Variants in GPR155 observed in about 807,000 individuals in gnomAD.
GPR155 encodes G protein-coupled receptor 155, also known as lysosomal cholesterol signaling protein.
GPR155 carries 65 observed loss-of-function variants against 93.1 expected under a neutral mutation model. The observed-to-expected ratio is 0.70, with a 90% CI of 0.57 to 0.86. The LOEUF is 0.86. Among genes scored for constraint, GPR155 ranks in the 40% least tolerant of loss-of-function variants. The probability of loss-of-function intolerance (pLI) is 0.00; values close to 1 mark genes in which losing one functional copy is unlikely to be tolerated. For missense variants in GPR155, 838 were observed against 1,034.8 expected, an observed-to-expected ratio of 0.81 and a Z score of 2.61; for synonymous variants, 319 against 360.1, an observed-to-expected ratio of 0.89 and a Z score of 1.29.
chr2:174,460,365 T>G (rs1413114500), intron 9 of GPR155, among the ~76,000 whole-genome samples: 1 of 151,840 alleles, frequency 6.6e-6, no homozygotes, highest in Non-Finnish European at 1.5e-5. Flanking sequence ...GGTTTCACCG[T>G]GTTAGCCAGG....
At chr2:174,480,211 C>CA (rs1239976153) in intron 2 of GPR155, among the ~76,000 whole-genome samples, 3 of 152,144 alleles carry the variant, frequency 2.0e-5, no homozygotes, top group Non-Finnish European at 4.4e-5. Flanking sequence ...CACCCTACCT[C>CA]AAATAGCACC....
rs1331727368 is a variant in GPR155 at position 174,432,565 on chromosome 2, A to G, written c.*3551T>C. ...GTAACTAGAAAAATCTCCTGGTAAC[A>G]GCAATGAGGCCTTAGACTTACCCTT... On this transcript the variant is annotated 3_prime_UTR_variant, in exon 16 of 16. Transcript: ENST00000392552. 1 of 152,208 alleles carries G rather than the reference A, an allele frequency of 6.6e-6. No individual in the cohort carries two copies. Among genetic ancestry groups the G allele is most frequent in the African/African-American group, 2.4e-5 (1 of 41,446 alleles). The allele number at this position is 152,208 out of a possible 1,614,324, so 9.4% of individuals were successfully genotyped here. A position where few individuals can be genotyped will look rare whatever the true frequency, so the allele number is the denominator to read the frequency against.
In GPR155 at chr2:174,476,784, C is replaced by T. The variant is rs536938018; in HGVS notation, c.461-3420G>A. Among the ~76,000 whole-genome samples the T allele has an allele frequency of 5.7e-4, 87 of 152,216 alleles. 1 individual carries two copies. In the South Asian group the frequency reaches 0.017, roughly 31 times the overall value. On this transcript the variant is annotated intron_variant, in intron 2 of 15. Coordinates refer to ENST00000392552, the MANE Select transcript of GPR155 (RefSeq NM_152529.7). Reference sequence around the variant, plus strand: ...TAGTAGTTCTTTATGCTGTTCATACCGTCACCCCCTAACTTCTTAATATCT... The same window carrying T: ...TAGTAGTTCTTTATGCTGTTCATACTGTCACCCCCTAACTTCTTAATATCT...
At chr2:174,454,027 A>G (rs1687412931) in intron 10 of GPR155, among the ~76,000 whole-genome samples, 186 bp from the exon 11 acceptor site, 1 of 152,210 alleles carries the variant, frequency 6.6e-6, no homozygotes. Context: ...AATAAAAAAA[A>G]CTTAATCTCA....
Position 174,460,092 on chromosome 2 carries a change from C to T in GPR155, c.1561-4G>A, listed in dbSNP as rs756379472. ...GGGTGACTGCTGTGGTGATCATCTG[C>T]CGACATGAAAAAAAGATATCAGGCC... is the stretch of plus-strand genomic sequence containing the variant. On this transcript the variant is annotated splice_polypyrimidine_tract_variant and splice_region_variant and intron_variant, in intron 9 of 15. Coordinates refer to ENST00000392552, the MANE Select transcript of GPR155 (RefSeq NM_152529.7). 2 of 1,605,410 alleles carry T rather than the reference C, an allele frequency of 1.2e-6. No individual in the cohort carries two copies. Among genetic ancestry groups the T allele is most frequent in the Admixed American group, 3.4e-5 (2 of 58,402 alleles).
intron 10 of GPR155, among the ~76,000 whole-genome samples, chr2:174,459,108 G>GA (rs961997206): frequency 3.3e-4 from 50 of 151,736 alleles, no homozygotes; most frequent in East Asian, 7.8e-4. Context: ...AACAAACAAA[G>GA]AAAAAAAACA....
chr2:174,439,888 C>T lies in GPR155; in HGVS notation c.2312+10G>A, dbSNP rs1318875051. 1 of 1,610,700 alleles carries T rather than the reference C, an allele frequency of 6.2e-7. No homozygotes were observed. The highest frequency in any genetic ancestry group is 8.5e-7 in the Non-Finnish European group (1 of 1,177,550). On this transcript the variant is annotated intron_variant, in intron 15 of 15. Coordinates refer to ENST00000392552, the MANE Select transcript of GPR155 (RefSeq NM_152529.7). ...TAATTGTCTAGAACCTGTACTGGCA[C>T]TTTGCTTACCTTCTTTCTTTGACAA...
chr2:174,447,418 TATAA>T (rs1034700343), intron 11 of GPR155, among the ~76,000 whole-genome samples: 21 of 146,374 alleles, frequency 1.4e-4, no homozygotes, highest in Non-Finnish European at 2.7e-4. Context: ...ATATTAGTTA[TATAA>T]ATAATATATA....
chr2:174,470,642 G>A, intron 3 of GPR155, 87 bp from the exon 4 acceptor site: 3 of 1,131,708 alleles, frequency 2.7e-6, no homozygotes, highest in South Asian at 2.7e-5. Flanking sequence ...TTGGCATCAG[G>A]TTCTCCTGCC....
In GPR155 at chr2:174,457,743, C is replaced by T. The variant is rs193186685; in HGVS notation, c.1771+2135G>A. On this transcript the variant is annotated intron_variant, in intron 10 of 15. Coordinates refer to ENST00000392552, the MANE Select transcript of GPR155 (RefSeq NM_152529.7). ...GTTCTGGGATTAGAGGTGTGAGCCA[C>T]CGCACCAGGCCTTGACTTTTTTTTT... 7.2e-5 allele frequency among the ~76,000 whole-genome samples: 11 copies of T among 152,284 alleles called. No individual in the cohort carries two copies. In the East Asian group the frequency reaches 2.1e-3, roughly 29 times the overall value.
chr2:174,449,981 CA>C (rs1329783726), intron 11 of GPR155, among the ~76,000 whole-genome samples: 1 of 151,560 alleles, frequency 6.6e-6, no homozygotes, highest in Non-Finnish European at 1.5e-5. Context: ...ATCTCAAAAA[CA>C]AAACAAAACA....
intron 2 of GPR155, among the ~76,000 whole-genome samples, chr2:174,474,978 G>A (rs1688104024): frequency 6.6e-6 from 1 of 152,088 alleles, no homozygotes; most frequent in South Asian, 2.1e-4. Flanking sequence ...CAAGGAGAGA[G>A]GCAAACGTGA....
At chr2:174,437,321 A>ATT (rs1686814028) in intron 15 of GPR155, among the ~76,000 whole-genome samples, 1 of 152,184 alleles carries the variant, frequency 6.6e-6, no homozygotes, top group Admixed American at 6.5e-5. Flanking sequence ...ATAGGTGACA[A>ATT]AAATTTAAAA....
rs1687635240 is a variant in GPR155 at position 174,459,957 on chromosome 2, C to T, written c.1692G>A (p.Glu564=). The change falls in exon 10 of 16, where the codon GAG becomes GAA. Residue 564 remains glutamate (E), a synonymous_variant. Transcript: ENST00000392552. The part of the protein sequence containing the change: ...FDQSQSHKVV[E]PGNTAFEESP... Reference sequence around the variant, plus strand: ...TCTCCTCAAAAGCAGTATTTCCAGGCTCCACCACTTTGTGGCTCTGAGACT... The same window carrying T: ...TCTCCTCAAAAGCAGTATTTCCAGGTTCCACCACTTTGTGGCTCTGAGACT... 1.2e-6 allele frequency: 2 copies of T among 1,614,006 alleles called. No homozygotes were observed. The highest frequency in any genetic ancestry group is 1.3e-5 in the African/African-American group (1 of 74,906).
chr2:174,479,345 T>C (rs1688256259), intron 2 of GPR155, among the ~76,000 whole-genome samples: 2 of 152,160 alleles, frequency 1.3e-5, no homozygotes, highest in South Asian at 4.1e-4. Flanking sequence ...CTGGAACTAG[T>C]ATATTACAAG....
intron 14 of GPR155, among the ~76,000 whole-genome samples, chr2:174,441,358 T>G (rs980215355): frequency 6.6e-6 from 1 of 151,786 alleles, no homozygotes; most frequent in African/African-American, 2.4e-5. Context: ...ATACAAAGCC[T>G]AGGATAGGGG....
Position 174,439,964 on chromosome 2 carries a change from A to G in GPR155, c.2246T>C (p.Met749Thr), listed in dbSNP as rs1686905949. The change falls in exon 15 of 16, where the codon ATG (methionine) becomes ACG (threonine). Residue 749 changes from methionine (M) to threonine (T), a missense_variant. This residue lies in a region of GPR155 where 146 missense variants were observed against 177.5 expected (regional missense o/e 0.82). Coordinates refer to ENST00000392552, the MANE Select transcript of GPR155 (RefSeq NM_152529.7). ...ATAATGGATAAATTGTTGACAGGTCATTTTTATTTCCTCTGAAACAGGAGA... is the reference window on the plus strand; with the variant it reads ...ATAATGGATAAATTGTTGACAGGTCGTTTTTATTTCCTCTGAAACAGGAGA... Reference protein sequence around the residue: ...RDSPVSEEIKMTCQQFIHYHR... With the variant: ...RDSPVSEEIKTTCQQFIHYHR... The G allele has an allele frequency of 6.2e-7, 1 of 1,611,290 alleles. No individual in the cohort carries two copies. The highest frequency in any genetic ancestry group is 1.3e-5 in the African/African-American group (1 of 74,842).
At chr2:174,447,155 G>A (rs540608687) in intron 11 of GPR155, among the ~76,000 whole-genome samples, 5 of 151,522 alleles carry the variant, frequency 3.3e-5, no homozygotes, top group South Asian at 4.2e-4. Context: ...TGGCCAACAC[G>A]GTGAAACCTC....
At chr2:174,477,718 T>C (rs1430108231) in intron 2 of GPR155, among the ~76,000 whole-genome samples, 3 of 152,202 alleles carry the variant, frequency 2.0e-5, no homozygotes, top group Admixed American at 6.5e-5. Context: ...CAGTACGGTA[T>C]AGTATAGTAA....
Sources: gnomAD v4.1 joint callset for allele counts (sites outside exome capture counted in the v4.1 genomes callset) on GRCh38, gnomAD v4.1.1 for gene constraint, gnomAD v4.1.1 regional missense constraint, MANE v1.5 for transcripts, NCBI Gene and HGNC (gene_info 2026-07-23, HGNC 2026-07-21) for gene names.